Variants in RBFOX1 observed in about 807,000 individuals in gnomAD.
RBFOX1 encodes the protein RNA binding fox-1 homolog 1.
A neutral mutation model predicts 57.7 loss-of-function variants in RBFOX1; 8 were observed. The observed-to-expected ratio is 0.14, with a 90% CI of 0.08 to 0.25. The LOEUF is 0.25. Among genes scored for constraint, RBFOX1 ranks in the 10% least tolerant of loss-of-function variants. The pLI is 1.00. For synonymous variants in RBFOX1, 326 were observed against 222.4 expected (o/e 1.47, Z -4.15); for missense variants, 611 against 548.5 (o/e 1.11, Z -1.14).
chr16:5,630,713 G>A lies in RBFOX1; in HGVS notation c.318+31752G>A, dbSNP rs147105006. On this transcript the variant is annotated intron_variant, in intron 3 of 19. Transcript: ENST00000641259. The stretch of plus-strand genomic sequence containing the variant: ...TTATTCTTTTTCTATCCTGATGGAC[G>A]TGGGCTTGTCATTCATACCCAGGCA... 5.7e-3 allele frequency among the ~76,000 whole-genome samples: 867 copies of A among 152,232 alleles called. 5 individuals carry two copies. Among genetic ancestry groups the A allele is most frequent in the African/African-American group, 0.02 (812 of 41,542 alleles).
rs74009318 is a variant in RBFOX1, at chr16:6,834,566, T to A, written c.-16+179916T>A. Among the ~76,000 whole-genome samples, 1,054 of 152,266 alleles carry A rather than the reference T, an allele frequency of 6.9e-3. 12 individuals carry two copies. The highest frequency in any genetic ancestry group is 0.024 in the African/African-American group (993 of 41,542). ...TTAACAGGAGATATCAGTAAGTGAT[T>A]TGTTCTTAAAAAGAAACCTTGCAGA... On this transcript the variant is annotated intron_variant, in intron 3 of 15. Coordinates refer to ENST00000550418, the MANE Select transcript of RBFOX1 (RefSeq NM_018723.4).
chr16:7,249,454 A>G (rs1475993711), intron 4 of RBFOX1, among the ~76,000 whole-genome samples: 2 of 152,088 alleles, frequency 1.3e-5, no homozygotes, highest in Non-Finnish European at 2.9e-5. Context: ...TACTTACATC[A>G]CCAAGGAGAA....
At chr16:6,693,712 A>G (rs1254945879) in intron 3 of RBFOX1, among the ~76,000 whole-genome samples, 2 of 150,180 alleles carry the variant, frequency 1.3e-5, no homozygotes, top group African/African-American at 4.9e-5. Context: ...ATCCTCCTCC[A>G]CTACCATCAC....
chr16:6,474,781 C>T (rs183391857), intron 2 of RBFOX1, among the ~76,000 whole-genome samples: 2 of 152,278 alleles, frequency 1.3e-5, no homozygotes, highest in African/African-American at 2.4e-5. Context: ...ATTCTGGTTC[C>T]TTAGATCTAA....
intron 4 of RBFOX1, among the ~76,000 whole-genome samples, chr16:7,410,179 A>G (rs1388705335): frequency 8.0e-6 from 1 of 125,072 alleles, no homozygotes; most frequent in African/African-American, 2.8e-5. Context: ...AATTGTACAC[A>G]TAATAGCTCA....
intron 4 of RBFOX1, among the ~76,000 whole-genome samples, chr16:7,310,313 G>A (rs2096279843): frequency 6.6e-6 from 1 of 152,180 alleles, no homozygotes; most frequent in Non-Finnish European, 1.5e-5. Flanking sequence ...CTCCTGAGAG[G>A]GTTTGGGGAA....
At chr16:6,964,950 G>C (rs193171589) in intron 3 of RBFOX1, among the ~76,000 whole-genome samples, 1 of 152,164 alleles carries the variant, frequency 6.6e-6, no homozygotes, top group Non-Finnish European at 1.5e-5. Flanking sequence ...GATAACAGAC[G>C]CCAGGCACTT....
intron 2 of RBFOX1, among the ~76,000 whole-genome samples, chr16:6,494,300 A>G (rs1443354353): frequency 1.3e-5 from 2 of 152,134 alleles, no homozygotes; most frequent in Non-Finnish European, 2.9e-5. Context: ...TTCTGTATCC[A>G]CCGCCACAGG....
At chr16:6,793,098 G>T (rs185870236) in intron 3 of RBFOX1, among the ~76,000 whole-genome samples, 2 of 151,816 alleles carry the variant, frequency 1.3e-5, no homozygotes, top group East Asian at 3.9e-4. Flanking sequence ...CTGCCAGATT[G>T]CACAAAAGTT....
rs143069537 is a variant in RBFOX1 at position 5,882,227 on chromosome 16, A to G, written c.351+14892A>G. Among the ~76,000 whole-genome samples, 223 of 151,904 alleles carry G rather than the reference A, an allele frequency of 1.5e-3. 1 individual carries two copies. The highest frequency in any genetic ancestry group is 2.5e-3 in the Non-Finnish European group (170 of 68,014). ...ACTTTGTTTACCGTTCCTCGTAGCT[A>G]TGTCAGAGGTGGAAGTGAATTTTTC... On this transcript the variant is annotated intron_variant, in intron 4 of 19. Coordinates refer to the RBFOX1 transcript ENST00000641259.
At chr16:5,350,141 A>G (rs913738089) in intron 1 of RBFOX1, among the ~76,000 whole-genome samples, 4 of 152,180 alleles carry the variant, frequency 2.6e-5, no homozygotes, top group African/African-American at 9.7e-5. Flanking sequence ...GGTTCCCTGC[A>G]TGTGCATAAT....
At chr16:5,802,681 G>A (rs912890416) in intron 3 of RBFOX1, among the ~76,000 whole-genome samples, 38 of 152,286 alleles carry the variant, frequency 2.5e-4, no homozygotes, top group African/African-American at 8.9e-4. Flanking sequence ...GGAAGAACAC[G>A]ATAGCTTGTT....
intron 2 of RBFOX1, among the ~76,000 whole-genome samples, chr16:6,389,036 A>G (rs767986394): frequency 3.9e-5 from 6 of 152,146 alleles, no homozygotes; most frequent in Non-Finnish European, 7.3e-5. Flanking sequence ...AGTTACCTAA[A>G]CTAGTAAATT....
intron 1 of RBFOX1, among the ~76,000 whole-genome samples, chr16:6,164,609 G>C (rs1361534362): frequency 6.6e-6 from 1 of 151,748 alleles, no homozygotes; most frequent in Non-Finnish European, 1.5e-5. Flanking sequence ...TGGGACTATA[G>C]GTGTGAACCA....
At chr16:5,680,111 C>T (rs2050287049) in intron 3 of RBFOX1, among the ~76,000 whole-genome samples, 1 of 152,108 alleles carries the variant, frequency 6.6e-6, no homozygotes, top group African/African-American at 2.4e-5. Context: ...AGAAGAGGGA[C>T]ATCATGAGAC....
At chr16:6,894,946 C>G (rs1042594457) in intron 3 of RBFOX1, among the ~76,000 whole-genome samples, 3 of 152,238 alleles carry the variant, frequency 2.0e-5, no homozygotes, top group South Asian at 2.1e-4. Context: ...TGTTTTCTAT[C>G]TAGAATTTGC....
chr16:7,509,943 C>T (rs1378925339), intron 4 of RBFOX1, among the ~76,000 whole-genome samples: 1 of 148,944 alleles, frequency 6.7e-6, no homozygotes, highest in Non-Finnish European at 1.5e-5. Context: ...TTTTAAACAG[C>T]TATTAATGTG....
At chr16:6,125,467 C>G (rs2096582933) in intron 1 of RBFOX1, among the ~76,000 whole-genome samples, 1 of 152,184 alleles carries the variant, frequency 6.6e-6, no homozygotes, top group Non-Finnish European at 1.5e-5. Flanking sequence ...GAGTCAGCCT[C>G]ATACACATTT....
rs2096769325 is a variant in RBFOX1 at position 7,335,508 on chromosome 16, G to T, written c.28-182639G>T. Among the ~76,000 whole-genome samples the T allele has an allele frequency of 2.7e-5, 4 of 148,992 alleles. No individual in the cohort carries two copies. In the Admixed American group the frequency reaches 2.8e-4, roughly 10 times the overall value. On this transcript the variant is annotated intron_variant, in intron 4 of 15. Coordinates refer to ENST00000550418, the MANE Select transcript of RBFOX1 (RefSeq NM_018723.4). The stretch of plus-strand genomic sequence containing the variant: ...ACCTCAAGAGATTTTGTGGCAGAGT[G>T]CTCCCTTTTCATATTTTCAAGAGTC...
Sources: allele counts gnomAD v4.1 joint callset (sites outside exome capture counted in the v4.1 genomes callset), GRCh38; gene constraint gnomAD v4.1.1; transcripts MANE v1.5; gene names NCBI Gene and HGNC (gene_info 2026-07-23, HGNC 2026-07-21).